Variants in MEGF11 observed in about 807,000 individuals in gnomAD.
MEGF11 encodes multiple EGF like domains 11.
Under a neutral mutation model 146.6 loss-of-function variants are expected in MEGF11, and 126 were observed. The observed-to-expected ratio is 0.86, with a 90% CI of 0.74 to 1.00. The LOEUF (loss-of-function observed/expected upper bound fraction) is 1.00. Ranked by LOEUF, MEGF11 falls within the 50% of genes least tolerant of loss-of-function variation. MEGF11 has a pLI of 0.00. For missense variants in MEGF11, 1,509 were observed against 1,521.2 expected (o/e 0.99, Z 0.13); for synonymous variants, 532 against 583.4 (o/e 0.91, Z 1.27).
chr15:65,948,419 AT>A (rs1434158285), intron 10 of MEGF11, among the ~76,000 whole-genome samples: 1 of 152,020 alleles, frequency 6.6e-6, no homozygotes, highest in African/African-American at 2.4e-5. Flanking sequence ...TACACCCTGC[AT>A]CTCGCTCAGT....
chr15:66,217,770 G>C (rs565295103), intron 1 of MEGF11, among the ~76,000 whole-genome samples: 5 of 152,210 alleles, frequency 3.3e-5, no homozygotes, highest in Non-Finnish European at 7.3e-5. Flanking sequence ...CACACAGCCA[G>C]TCCCTGGCAG....
rs1375227330 is a variant in MEGF11 at position 65,929,746 on chromosome 15, C to A, written c.1546G>T (p.Gly516Ter). The change falls in exon 12 of 26, where the codon GGA becomes TGA. Residue 516 changes from glycine (G) to a stop codon, truncating the protein, a stop_gained. Coordinates refer to ENST00000395614, the MANE Select transcript of MEGF11 (RefSeq NM_001385028.1). LOFTEE classifies it high-confidence loss of function. ...GSCSCTPGWL[G>*]DTCELPCPDG... is the part of the protein sequence containing the mutation. ...GGGCAAGGCAGCTCACAGGTGTCTC[C>A]CAGCCAGCCAGGAGTGCAGGAGCAG... is the stretch of plus-strand genomic sequence containing the variant. 6.4e-7 allele frequency: 1 copy of A among 1,552,360 alleles called. No homozygotes were observed. The highest frequency in any genetic ancestry group is 8.7e-7 in the Non-Finnish European group (1 of 1,147,418).
chr15:66,009,902 GT>G (rs1416083452), intron 5 of MEGF11, among the ~76,000 whole-genome samples: 7 of 151,964 alleles, frequency 4.6e-5, no homozygotes, highest in Admixed American at 1.3e-4. Flanking sequence ...CCCACATATG[GT>G]TTCTAAAGAA....
rs1223617913 is a variant in MEGF11 at position 65,913,760 on chromosome 15, G to T, written c.2687C>A (p.Thr896Asn). The stretch of plus-strand genomic sequence containing the variant: ...ACCTGAGAGGGAGTAGTCGGTGCTG[G>T]TCATCCTCATGGCAGGTGTGTAGGA... ...RVSYTPAMRMTSTDYSLSDLS... is the reference protein window; with the variant it reads ...RVSYTPAMRMNSTDYSLSDLS... The change falls in exon 20 of 26, where the codon ACC (threonine) becomes AAC (asparagine). Residue 896 changes from threonine to asparagine, a missense_variant. Thr to Asn is a moderately conservative substitution (Grantham distance 65). Coordinates refer to ENST00000395614, the MANE Select transcript of MEGF11 (RefSeq NM_001385028.1). The T allele has an allele frequency of 1.9e-6, 3 of 1,613,150 alleles. No individual in the cohort carries two copies. Among genetic ancestry groups the T allele is most frequent in the Non-Finnish European group, 2.5e-6 (3 of 1,179,588 alleles).
intron 1 of MEGF11, among the ~76,000 whole-genome samples, chr15:66,241,451 G>A (rs1361249230): frequency 6.6e-6 from 1 of 152,232 alleles, no homozygotes; most frequent in African/African-American, 2.4e-5. Context: ...AGCACAGTCT[G>A]TATAGACAAT....
intron 5 of MEGF11, among the ~76,000 whole-genome samples, chr15:66,071,285 A>G (rs940004395): frequency 2.0e-5 from 3 of 152,062 alleles, no homozygotes; most frequent in Non-Finnish European, 4.4e-5. Flanking sequence ...TTGTCTCTGC[A>G]TTGCCTAGCC....
intron 5 of MEGF11, among the ~76,000 whole-genome samples, chr15:66,027,584 T>G (rs1280924829): frequency 6.6e-6 from 1 of 152,166 alleles, no homozygotes. Context: ...ACCCCCTATC[T>G]CTGGGCTACG....
chr15:66,234,336 G>A (rs2092042261), intron 1 of MEGF11, among the ~76,000 whole-genome samples: 1 of 152,200 alleles, frequency 6.6e-6, no homozygotes, highest in Non-Finnish European at 1.5e-5. Flanking sequence ...TATTATTTAA[G>A]CCTCTGATAT....
intron 5 of MEGF11, among the ~76,000 whole-genome samples, chr15:66,052,157 C>T (rs1286128871): frequency 6.6e-6 from 1 of 152,210 alleles, no homozygotes; most frequent in African/African-American, 2.4e-5. Flanking sequence ...AGGCATTAGC[C>T]TTCTTAATCA....
Position 66,209,363 on chromosome 15 carries a change from A to T in MEGF11, c.-9+44242T>A, listed in dbSNP as rs962124536. The stretch of plus-strand genomic sequence containing the variant: ...AGACTCCATCTTAAAAAAAAAAAAC[A>T]AAAAAAACTAAACACGCAAGTACCA... On this transcript the variant is annotated intron_variant, in intron 1 of 25. Coordinates refer to ENST00000395614, the MANE Select transcript of MEGF11 (RefSeq NM_001385028.1). Among the ~76,000 whole-genome samples, 20 of 151,810 alleles carry T rather than the reference A, an allele frequency of 1.3e-4. 1 individual carries two copies. The highest frequency in any genetic ancestry group is 7.7e-4 in the East Asian group (4 of 5,170).
intron 5 of MEGF11, among the ~76,000 whole-genome samples, chr15:66,078,719 G>A (rs1284476704): frequency 1.3e-5 from 2 of 152,216 alleles, no homozygotes; most frequent in Non-Finnish European, 2.9e-5. Context: ...GCTGGGGAGG[G>A]GTATCCGCCC....
At chr15:66,085,014 T>A (rs1167856344) in intron 5 of MEGF11, among the ~76,000 whole-genome samples, 6 of 152,068 alleles carry the variant, frequency 3.9e-5, no homozygotes, top group Non-Finnish European at 8.8e-5. Context: ...GCTGGCCCTT[T>A]GATTTGCATG....
intron 5 of MEGF11, among the ~76,000 whole-genome samples, chr15:65,997,702 C>T (rs2082243516): frequency 1.3e-5 from 2 of 152,072 alleles, no homozygotes; most frequent in Admixed American, 1.3e-4. Context: ...CCCAGCGCCT[C>T]GAACAGTGTC....
intron 1 of MEGF11, among the ~76,000 whole-genome samples, chr15:66,186,797 C>T (rs2090718593): frequency 1.3e-5 from 2 of 152,230 alleles, no homozygotes; most frequent in Admixed American, 1.3e-4. Context: ...GCCATGAAAA[C>T]AGACATGATG....
At chr15:65,946,762 G>C (rs79228838) in intron 10 of MEGF11, among the ~76,000 whole-genome samples, 1 of 152,154 alleles carries the variant, frequency 6.6e-6, no homozygotes, top group Non-Finnish European at 1.5e-5. Context: ...ATACAGTACT[G>C]TTTTGTCACA....
At chr15:65,989,930 G>A (rs545463275) in intron 5 of MEGF11, among the ~76,000 whole-genome samples, 7 of 152,280 alleles carry the variant, frequency 4.6e-5, no homozygotes, top group South Asian at 2.1e-4. Context: ...GCAATGGCTC[G>A]TACCTGTAAT....
chr15:66,229,067 C>T (rs985770465), intron 1 of MEGF11, among the ~76,000 whole-genome samples: 1 of 152,154 alleles, frequency 6.6e-6, no homozygotes, highest in Non-Finnish European at 1.5e-5. Flanking sequence ...TAAACAGTCC[C>T]TTTATTAAGC....
intron 1 of MEGF11, among the ~76,000 whole-genome samples, chr15:66,177,519 G>T (rs769483203): frequency 6.6e-5 from 10 of 151,896 alleles, no homozygotes; most frequent in Non-Finnish European, 1.5e-4. Context: ...CTGGTTCCAG[G>T]GGGTGGGATG....
chr15:66,104,084 T>A (rs2140793020), intron 4 of MEGF11, among the ~76,000 whole-genome samples: 1 of 152,340 alleles, frequency 6.6e-6, no homozygotes, highest in South Asian at 2.1e-4. Flanking sequence ...AGATAACATG[T>A]GTGAAGGCCT....
Sources: allele counts gnomAD v4.1 joint callset (sites outside exome capture counted in the v4.1 genomes callset), GRCh38; gene constraint gnomAD v4.1.1; transcripts MANE v1.5; gene names NCBI Gene and HGNC (gene_info 2026-07-23, HGNC 2026-07-21).